The following IMMP2L variants were observed in gnomAD, a reference collection of about 807,000 sequenced individuals.
IMMP2L encodes inner mitochondrial membrane peptidase subunit 2, also known as mitochondrial inner membrane protease subunit 2.
A neutral mutation model predicts 19.3 loss-of-function variants in IMMP2L; 18 were observed. That is an observed-to-expected ratio of 0.93 (90% CI 0.64 to 1.38). The LOEUF is 1.38. Among genes scored for constraint, IMMP2L ranks in the 40% most tolerant of loss-of-function variants. The probability of loss-of-function intolerance (pLI) is 0.00; values close to 1 mark genes in which losing one functional copy is unlikely to be tolerated. For missense variants in IMMP2L, 233 were observed against 218.2 expected (o/e 1.07, Z -0.43); for synonymous variants, 76 against 73.0 (o/e 1.04, Z -0.21).
intron 3 of IMMP2L, among the ~76,000 whole-genome samples, chr7:111,414,707 A>C (rs1354954688): frequency 6.6e-6 from 1 of 151,912 alleles, no homozygotes; most frequent in Non-Finnish European, 1.5e-5. Flanking sequence ...CAGTTTTAAC[A>C]AATGTACATT....
At position 110,943,223 on chromosome 7, in the gene IMMP2L, AG is replaced by A. The variant is rs1441276995; in HGVS notation, c.305+20276del. 7.2e-5 allele frequency among the ~76,000 whole-genome samples: 11 copies of A among 152,000 alleles called. No individual in the cohort carries two copies. The Admixed American group carries it at 7.3e-4, about 10-fold the overall frequency. On this transcript the variant is annotated intron_variant, in intron 4 of 5. Transcript: ENST00000405709. ...ATAGGTATTTTTAGGCCCTTTTGAC[AG>A]TCAGCTCCTTGAAAAGAGAGTTTCT...
intron 4 of IMMP2L, among the ~76,000 whole-genome samples, chr7:110,928,249 T>A (rs1815073367): frequency 6.6e-6 from 1 of 151,484 alleles, no homozygotes. Context: ...TATGGAAATA[T>A]TAGCTCTTCT....
Position 111,113,749 on chromosome 7 carries a change from AATG to A in IMMP2L, c.240-150187_240-150185del, listed in dbSNP as rs1799517399. Reference sequence around the variant, plus strand: ...CCCAAACCATTGTACTGCAAGGCACAATGTAAGTCTGTCTCCTGTCATTCAAGC... The same window carrying A: ...CCCAAACCATTGTACTGCAAGGCACATAAGTCTGTCTCCTGTCATTCAAGC... On this transcript the variant is annotated intron_variant, in intron 3 of 5. Transcript: ENST00000405709. Among the ~76,000 whole-genome samples, 3 of 152,180 alleles carry A rather than the reference AATG, an allele frequency of 2.0e-5. No individual in the cohort carries two copies. In the South Asian group the frequency reaches 6.2e-4, roughly 32 times the overall value.
At chr7:111,422,642 A>C (rs1029977877) in intron 3 of IMMP2L, among the ~76,000 whole-genome samples, 1 of 151,908 alleles carries the variant, frequency 6.6e-6, no homozygotes, top group African/African-American at 2.4e-5. Context: ...TTTTCTACAA[A>C]TACAATCATG....
chr7:110,731,062 A>G (rs556706596), intron 5 of IMMP2L, among the ~76,000 whole-genome samples: 6 of 152,352 alleles, frequency 3.9e-5, no homozygotes, highest in African/African-American at 1.4e-4. Context: ...TAAATTTAAA[A>G]CACAATATCC....
At chr7:111,509,643 T>C (rs1286569931) in intron 2 of IMMP2L, among the ~76,000 whole-genome samples, 2 of 152,278 alleles carry the variant, frequency 1.3e-5, no homozygotes, top group East Asian at 3.9e-4. Flanking sequence ...TATTGTTACA[T>C]GAAACTTTTG....
In IMMP2L at chr7:110,843,657, G is replaced by C. The variant is rs150795882; in HGVS notation, c.408+42936C>G. ...ATGGACATTAAGCAGAGATAACACA[G>C]ATAAATGTAAATTACACATTGTAAT... On this transcript the variant is annotated intron_variant, in intron 5 of 5. Transcript: ENST00000405709. Among the ~76,000 whole-genome samples the C allele has an allele frequency of 3.4e-3, 510 of 152,102 alleles. 6 individuals are homozygous for C. Among genetic ancestry groups the C allele is most frequent in the African/African-American group, 0.012 (490 of 41,432 alleles).
intron 3 of IMMP2L, among the ~76,000 whole-genome samples, chr7:111,011,352 T>C (rs923531014): frequency 2.0e-5 from 3 of 152,144 alleles, no homozygotes; most frequent in Admixed American, 2.0e-4. Context: ...CTCATGTCAT[T>C]CTAAAGCCAC....
intron 5 of IMMP2L, among the ~76,000 whole-genome samples, chr7:110,863,646 A>G (rs992448312): frequency 2.3e-4 from 35 of 152,270 alleles, no homozygotes; most frequent in African/African-American, 8.4e-4. Context: ...CCACATGATC[A>G]TGAAGTTAAA....
chr7:111,420,391 T>C (rs1835376965), intron 3 of IMMP2L, among the ~76,000 whole-genome samples: 1 of 151,788 alleles, frequency 6.6e-6, no homozygotes, highest in African/African-American at 2.4e-5. Flanking sequence ...ATCTGTACAA[T>C]AAAGGTACAG....
intron 2 of IMMP2L, among the ~76,000 whole-genome samples, chr7:111,510,196 T>C (rs1233868566): frequency 4.6e-5 from 7 of 152,136 alleles, no homozygotes; most frequent in Admixed American, 1.3e-4. Context: ...AGTCGTGTTA[T>C]ACAGTCAGAA....
intron 5 of IMMP2L, among the ~76,000 whole-genome samples, chr7:110,675,741 A>G (rs1457458264): frequency 3.3e-5 from 5 of 152,206 alleles, no homozygotes; most frequent in Non-Finnish European, 5.9e-5. Flanking sequence ...TCAAAATAAG[A>G]TAATCACAAA....
At chr7:110,683,306 A>T (rs1187903677) in intron 5 of IMMP2L, among the ~76,000 whole-genome samples, 1 of 152,100 alleles carries the variant, frequency 6.6e-6, no homozygotes, top group African/African-American at 2.4e-5. Flanking sequence ...TTGTTACTTT[A>T]TGAACATTTT....
At chr7:110,714,116 C>T (rs1006389753) in intron 5 of IMMP2L, among the ~76,000 whole-genome samples, 1 of 152,028 alleles carries the variant, frequency 6.6e-6, no homozygotes, top group African/African-American at 2.4e-5. Context: ...TGCCTAGTTT[C>T]TTCAGGGTTT....
chr7:111,019,500 G>T lies in IMMP2L; in HGVS notation c.240-55935C>A, dbSNP rs1309754626. ...TGAGGTGCCCAGGAAGCAGACAGAG[G>T]GGGAGGCAGCCAGTAAGGGGGCCTC... On this transcript the variant is annotated intron_variant, in intron 3 of 5. Coordinates refer to ENST00000405709, the MANE Select transcript of IMMP2L (RefSeq NM_032549.4). Among the ~76,000 whole-genome samples, 3 of 152,120 alleles carry T rather than the reference G, an allele frequency of 2.0e-5. No individual in the cohort carries two copies. The South Asian group carries it at 6.2e-4, about 32-fold the overall frequency.
intron 3 of IMMP2L, among the ~76,000 whole-genome samples, chr7:111,076,963 T>A (rs1795468503): frequency 6.6e-6 from 1 of 152,192 alleles, no homozygotes; most frequent in South Asian, 2.1e-4. Flanking sequence ...ACCTCAATAG[T>A]GAATGAGGTC....
intron 3 of IMMP2L, among the ~76,000 whole-genome samples, chr7:111,049,251 C>A (rs1423284187): frequency 6.7e-6 from 1 of 150,020 alleles, no homozygotes; most frequent in African/African-American, 2.4e-5. Context: ...CTGCCTCAGC[C>A]TCCCGAGTAG....
chr7:110,741,884 T>C (rs938807931), intron 5 of IMMP2L, among the ~76,000 whole-genome samples: 2 of 152,174 alleles, frequency 1.3e-5, no homozygotes, highest in Admixed American at 1.3e-4. Flanking sequence ...AGACTGCTGC[T>C]CTAGGAGGCA....
intron 3 of IMMP2L, among the ~76,000 whole-genome samples, chr7:111,430,013 T>A (rs780099391): frequency 6.6e-6 from 1 of 151,910 alleles, no homozygotes; most frequent in South Asian, 2.1e-4. Flanking sequence ...ATGATCATAA[T>A]GTAGTTTAGT....
Sources: gnomAD v4.1 joint callset for allele counts (sites outside exome capture counted in the v4.1 genomes callset) on GRCh38, gnomAD v4.1.1 for gene constraint, MANE v1.5 for transcripts, NCBI Gene and HGNC (gene_info 2026-07-23, HGNC 2026-07-21) for gene names.